Variants in SATL1 observed in about 807,000 individuals in gnomAD.
SATL1 encodes the protein spermidine/spermine N1-acetyl transferase like 1, also known as spermidine/spermine N(1)-acetyltransferase-like protein 1.
Under a neutral mutation model 51.8 loss-of-function variants are expected in SATL1, and 47 were observed. The observed-to-expected ratio is 0.91, with a 90% CI of 0.72 to 1.16. SATL1 has a LOEUF of 1.16. Among genes scored for constraint, SATL1 ranks in the 50% most tolerant of loss-of-function variants. SATL1 has a pLI of 0.00. For missense variants in SATL1, 520 were observed against 526.4 expected (o/e 0.99, Z 0.12); for synonymous variants, 176 against 182.4 (o/e 0.97, Z 0.28).
At chrX:85,127,092 G>A (rs1031753023) in intron 2 of SATL1, among the ~76,000 whole-genome samples, 3 of 111,130 alleles carry the variant, frequency 2.7e-5, no homozygotes, top group Admixed American at 9.6e-5. Flanking sequence ...TCACTAACTT[G>A]CTGATTCAGA....
At chrX:85,169,894 G>T (rs1217834560) in intron 2 of SATL1, among the ~76,000 whole-genome samples, 2 of 111,722 alleles carry the variant, frequency 1.8e-5, no homozygotes, top group Non-Finnish European at 3.8e-5. Context: ...ATGGTAGACT[G>T]CATGAAGAAA....
At chrX:85,232,322 G>C (rs1484094003) in intron 1 of SATL1, among the ~76,000 whole-genome samples, 1 of 110,961 alleles carries the variant, frequency 9.0e-6, no homozygotes, top group African/African-American at 3.3e-5. Context: ...GAGATGTGCT[G>C]GCTTAAGGTG....
intron 2 of SATL1, among the ~76,000 whole-genome samples, chrX:85,178,656 A>C (rs745568451): frequency 6.9e-4 from 76 of 110,417 alleles, no homozygotes; most frequent in Middle Eastern, 4.7e-3. Context: ...ACAAAAAAAA[A>C]CAAAAAAACA....
chrX:85,215,215 G>A (rs1928016570), intron 2 of SATL1, among the ~76,000 whole-genome samples: 2 of 111,767 alleles, frequency 1.8e-5, no homozygotes, highest in African/African-American at 3.3e-5. Context: ...TGGTGGGGAT[G>A]TAGGAAGGAA....
At chrX:85,181,124 C>T (rs1045568286) in intron 2 of SATL1, among the ~76,000 whole-genome samples, 4 of 103,523 alleles carry the variant, frequency 3.9e-5, no homozygotes, top group South Asian at 4.2e-4. Context: ...TGTGTATATA[C>T]GTGTGTGACA....
chrX:85,196,546 A>G (rs986921384), intron 2 of SATL1, among the ~76,000 whole-genome samples: 3 of 111,847 alleles, frequency 2.7e-5, no homozygotes, highest in Admixed American at 9.6e-5. Flanking sequence ...GGATGTATAC[A>G]TCACTACAAA....
chrX:85,223,271 T>A (rs774528856), intron 2 of SATL1, among the ~76,000 whole-genome samples: 14 of 111,667 alleles, frequency 1.3e-4, no homozygotes, highest in Non-Finnish European at 2.6e-4. Flanking sequence ...TATCACAAAG[T>A]TTTTGCTACT....
At chrX:85,165,009 C>T (rs2147730660) in intron 2 of SATL1, among the ~76,000 whole-genome samples, 1 of 111,338 alleles carries the variant, frequency 9.0e-6, no homozygotes, top group African/African-American at 3.3e-5. Flanking sequence ...AAGGCGTGAG[C>T]CACTGCACCC....
At chrX:85,107,217 G>A (rs1925067340) in intron 3 of SATL1, 111 bp downstream of exon 3, 2 of 549,825 alleles carry the variant, frequency 3.6e-6, no homozygotes, top group African/African-American at 2.3e-5. Context: ...ACTACCAGAG[G>A]TTATGAACAC....
At chrX:85,093,665 T>G (rs2147677844) in intron 6 of SATL1, among the ~76,000 whole-genome samples, 1 of 111,808 alleles carries the variant, frequency 8.9e-6, no homozygotes, top group East Asian at 2.8e-4. Flanking sequence ...GCCCAGGAGT[T>G]TGAGACCAGC....
At chrX:85,235,642 A>G (rs1928465557) in intron 1 of SATL1, among the ~76,000 whole-genome samples, 1 of 111,303 alleles carries the variant, frequency 9.0e-6, no homozygotes, top group Admixed American at 9.5e-5. Context: ...GAAACAAATG[A>G]AAATGGAAAC....
intron 2 of SATL1, among the ~76,000 whole-genome samples, chrX:85,196,841 A>G (rs951438384): frequency 6.3e-5 from 7 of 111,925 alleles, no homozygotes; most frequent in African/African-American, 2.3e-4. Context: ...TATAAAATTA[A>G]CTAAAAACAG....
At chrX:85,212,227 G>C (rs778159741) in intron 2 of SATL1, 8 of 112,010 alleles carry the variant, frequency 7.1e-5, no homozygotes, top group Non-Finnish European at 1.1e-4. Flanking sequence ...TCAGGGAACA[G>C]AACATAGAGA....
In SATL1 at chrX:85,167,626, G is replaced by A. The variant is rs1426992464; in HGVS notation, c.-313+56579C>T. Among the ~76,000 whole-genome samples the A allele has an allele frequency of 4.5e-5, 5 of 110,454 alleles. No homozygotes were observed. The East Asian group carries it at 1.4e-3, about 31-fold the overall frequency. On this transcript the variant is annotated intron_variant, in intron 2 of 7. Transcript: ENST00000644105. ...CCCAAACAGACCAATAACGAGTTCTGAAATTGAGGCAGTAATAAATAGCTT... is the reference window on the plus strand; with the variant it reads ...CCCAAACAGACCAATAACGAGTTCTAAAATTGAGGCAGTAATAAATAGCTT...
chrX:85,223,127 T>A (rs1928206554), intron 2 of SATL1, among the ~76,000 whole-genome samples: 2 of 112,057 alleles, frequency 1.8e-5, no homozygotes, highest in Non-Finnish European at 3.8e-5. Context: ...TTTATTTTAA[T>A]AGATGTTTTC....
intron 1 of SATL1, among the ~76,000 whole-genome samples, chrX:85,240,103 A>T (rs761788966): frequency 3.6e-5 from 4 of 111,737 alleles, no homozygotes; most frequent in South Asian, 3.7e-4. Context: ...TATTTTTTTT[A>T]AACTCTGAAA....
Position 85,093,225 on chromosome X carries a change from C to T in SATL1, c.1877G>A (p.Gly626Asp), listed in dbSNP as rs1248401399. Residue 626 changes from glycine (G) to aspartate (D), a missense_variant and splice_region_variant, in exon 7 of 8, where the codon GGC becomes GAC. Physicochemically the swap from Gly to Asp is moderately conservative, Grantham distance 94. This residue lies in a region of SATL1 where 488 missense variants were observed against 474.3 expected (regional missense o/e 1.03). Coordinates refer to ENST00000644105, the MANE Select transcript of SATL1 (RefSeq NM_001367857.2). Reference protein sequence around the residue: ...EDFYVTQAYQGLGIGAEMLKR... With the variant: ...EDFYVTQAYQDLGIGAEMLKR... ...CAGCATTTCAGCTCCAATACCTAGG[C>T]CTTTTAAATAGACAATGCAAAGTGA... is the stretch of plus-strand genomic sequence containing the variant. 15 of 1,160,965 alleles carry T rather than the reference C, an allele frequency of 1.3e-5. No individual in the cohort carries two copies. The highest frequency in any genetic ancestry group is 1.6e-5 in the Non-Finnish European group (14 of 869,528).
At chrX:85,155,297 T>G in intron 2 of SATL1, among the ~76,000 whole-genome samples, 1 of 111,453 alleles carries the variant, frequency 9.0e-6, no homozygotes, top group South Asian at 3.8e-4. Context: ...TTTTGAACTA[T>G]TCTCCATAGC....
intron 2 of SATL1, among the ~76,000 whole-genome samples, chrX:85,122,205 A>T (rs144897478): frequency 9.0e-6 from 1 of 111,192 alleles, no homozygotes; most frequent in African/African-American, 3.3e-5. Flanking sequence ...CTCAATTTAG[A>T]TGTAACTTTT....
Sources: gnomAD v4.1 joint callset for allele counts (sites outside exome capture counted in the v4.1 genomes callset) on GRCh38, gnomAD v4.1.1 for gene constraint, gnomAD v4.1.1 regional missense constraint, MANE v1.5 for transcripts, NCBI Gene and HGNC (gene_info 2026-07-23, HGNC 2026-07-21) for gene names.